WDFY4: variants seen among roughly 807,000 people sequenced by gnomAD.
WDFY4 encodes WDFY family member 4, also known as WD repeat- and FYVE domain-containing protein 4.
A neutral mutation model predicts 351.9 loss-of-function variants in WDFY4; 169 were observed. The observed-to-expected ratio is 0.48, with a 90% CI of 0.42 to 0.55. The LOEUF (loss-of-function observed/expected upper bound fraction) is 0.55, where lower values mean the gene tolerates loss of function less well. Ranked by LOEUF, WDFY4 falls within the 20% of genes least tolerant of loss-of-function variation. The pLI is 0.00. For synonymous variants in WDFY4, 1,622 were observed against 1,574.6 expected (o/e 1.03, Z -0.71); for missense variants, 3,803 against 3,935.6 (o/e 0.97, Z 0.90).
chr10:48,920,458 T>C (rs2133578290), intron 47 of WDFY4, among the ~76,000 whole-genome samples: 1 of 152,166 alleles, frequency 6.6e-6, no homozygotes, highest in South Asian at 2.1e-4. Flanking sequence ...ATGGCACATG[T>C]ATACATATGT....
At chr10:48,822,843 T>C (rs552434206) in intron 35 of WDFY4, among the ~76,000 whole-genome samples, 2 of 152,364 alleles carry the variant, frequency 1.3e-5, no homozygotes, top group Admixed American at 1.3e-4. Context: ...TTGTGATTGT[T>C]GGTTTGACCT....
chr10:48,811,844 C>G (rs2067458359), intron 30 of WDFY4, 136 bp downstream of exon 30: 2 of 877,852 alleles, frequency 2.3e-6, no homozygotes, highest in Non-Finnish European at 3.4e-6. Context: ...CCACTTCCCT[C>G]CCTAGCAGCC....
chr10:48,811,190 A>C (rs922957906), intron 29 of WDFY4, among the ~76,000 whole-genome samples: 63 of 152,126 alleles, frequency 4.1e-4, no homozygotes, highest in African/African-American at 1.4e-3. Context: ...TGAGTATTTA[A>C]TTGCTTAATG....
At chr10:48,841,462 T>TA (rs2068604374) in intron 39 of WDFY4, among the ~76,000 whole-genome samples, 2 of 152,226 alleles carry the variant, frequency 1.3e-5, no homozygotes, top group Non-Finnish European at 2.9e-5. Context: ...GCTTTCCCTT[T>TA]AAAGGTATTT....
chr10:48,764,740 T>C (rs2065615342), intron 13 of WDFY4, among the ~76,000 whole-genome samples: 1 of 152,274 alleles, frequency 6.6e-6, no homozygotes, highest in African/African-American at 2.4e-5. Context: ...TTTGCTTTTG[T>C]GAATAATTAC....
intron 36 of WDFY4, among the ~76,000 whole-genome samples, chr10:48,828,345 C>T (rs2068072519): frequency 1.3e-5 from 2 of 152,216 alleles, no homozygotes; most frequent in African/African-American, 4.8e-5. Context: ...AAAAAGGGTT[C>T]TTCTAAGTGC....
chr10:48,895,290 C>T (rs958391806), intron 44 of WDFY4, among the ~76,000 whole-genome samples: 6 of 152,336 alleles, frequency 3.9e-5, no homozygotes, highest in African/African-American at 1.4e-4. Flanking sequence ...AGAAGTGGGG[C>T]ATGGAGGCTC....
chr10:48,900,222 A>C lies in WDFY4; in HGVS notation c.7439A>C (p.Asp2480Ala). 2 of 1,551,498 alleles carry C rather than the reference A, an allele frequency of 1.3e-6. No individual in the cohort carries two copies. Among genetic ancestry groups the C allele is most frequent in the Middle Eastern group, 1.7e-4 (1 of 5,992 alleles). Reference sequence around the variant, plus strand: ...ATTAAAAGGGGCTTCTCTTCACAGGACATCGCCCTGGAGATCTTCTTCCAC... The same window carrying C: ...ATTAAAAGGGGCTTCTCTTCACAGGCCATCGCCCTGGAGATCTTCTTCCAC... ...ELRQARFLLQ[D>A]IALEIFFHNG... Residue 2480 changes from aspartate (D) to alanine (A), a missense_variant and splice_region_variant, in exon 46 of 62, where the codon GAC (aspartate) becomes GCC (alanine). This residue lies in a region of WDFY4 where 3,054 missense variants were observed against 3,148.6 expected (regional missense o/e 0.97). Transcript: ENST00000325239.
At chr10:48,828,677 G>A (rs2068084052) in intron 36 of WDFY4, 101 bp from the exon 37 acceptor site, 1 of 688,960 alleles carries the variant, frequency 1.5e-6, no homozygotes. Context: ...TATTGATATA[G>A]ATAATTATTG....
intron 46 of WDFY4, among the ~76,000 whole-genome samples, chr10:48,901,432 G>A (rs1308691385): frequency 3.3e-5 from 5 of 152,148 alleles, no homozygotes; most frequent in Non-Finnish European, 5.9e-5. Flanking sequence ...CTACCCACTC[G>A]GCTCAAGGAG....
At chr10:48,822,315 T>C in intron 34 of WDFY4, 65 bp from the exon 35 acceptor site, 1 of 1,454,678 alleles carries the variant, frequency 6.9e-7, no homozygotes, top group Non-Finnish European at 9.1e-7. Context: ...TACAGGGGGC[T>C]TGGAGATTGT....
Position 48,943,407 on chromosome 10 carries a change from G to C in WDFY4, c.7707G>C (p.Gln2569His). The C allele has an allele frequency of 6.4e-7, 1 of 1,551,870 alleles. No individual in the cohort carries two copies. The highest frequency in any genetic ancestry group is 8.7e-7 in the Non-Finnish European group (1 of 1,147,002). Residue 2569 changes from glutamine to histidine, a missense_variant, in exon 49 of 62, where the codon CAG becomes CAC. Around this residue, in one of 3 missense-constraint regions of WDFY4, gnomAD observed 3,054 missense variants for 3,148.6 expected, o/e 0.97. Coordinates refer to ENST00000325239, the MANE Select transcript of WDFY4 (RefSeq NM_001394531.1). ...GGAGAACCTGCAATGACTACATGCA[G>C]TACCCAGTGTTCCCCTGGGTCCTCG... Reference protein sequence around the residue: ...AAGRTCNDYMQYPVFPWVLAD... With the variant: ...AAGRTCNDYMHYPVFPWVLAD...
intron 1 of WDFY4, among the ~76,000 whole-genome samples, chr10:48,699,023 A>C (rs954227043): frequency 6.6e-6 from 1 of 152,214 alleles, no homozygotes; most frequent in Non-Finnish European, 1.5e-5. Flanking sequence ...CGGCCCGTGC[A>C]GCCCCAGAAA....
At chr10:48,819,992 A>G (rs917757951) in intron 32 of WDFY4, among the ~76,000 whole-genome samples, 1 of 152,194 alleles carries the variant, frequency 6.6e-6, no homozygotes, top group Non-Finnish European at 1.5e-5. Flanking sequence ...TGAACACTGC[A>G]GGCCTCTCTG....
At position 48,786,692 on chromosome 10, in the gene WDFY4, A is replaced by G; in HGVS notation, c.3630A>G (p.Ala1210=). 1.3e-6 allele frequency: 2 copies of G among 1,552,174 alleles called. No homozygotes were observed. The highest frequency in any genetic ancestry group is 1.7e-6 in the Non-Finnish European group (2 of 1,147,096). ...CTTTCCTTTCTATGGATCCATCCGC[A>G]TTTGTGGATGTTTATGGATATATTG... ...PGPFLSMDPS[A]FVDVYGYIAT... Residue 1210 remains alanine (A), a synonymous_variant, in exon 20 of 62, where the codon GCA becomes GCG. Transcript: ENST00000325239.
intron 40 of WDFY4, among the ~76,000 whole-genome samples, chr10:48,871,178 G>A (rs1004240019): frequency 3.9e-5 from 6 of 151,978 alleles, no homozygotes; most frequent in East Asian, 3.9e-4. Flanking sequence ...CTCGTGATCC[G>A]CCTGCCTCAG....
intron 47 of WDFY4, 110 bp from the exon 48 acceptor site, chr10:48,941,696 A>T: frequency 1.8e-6 from 2 of 1,122,498 alleles, no homozygotes; most frequent in Non-Finnish European, 2.6e-6. Flanking sequence ...GGAAGTCTGC[A>T]GCTTTCCTGA....
chr10:48,931,461 G>T (rs187432016), intron 47 of WDFY4, among the ~76,000 whole-genome samples: 2 of 152,290 alleles, frequency 1.3e-5, no homozygotes, highest in East Asian at 3.9e-4. Flanking sequence ...GCCACAGAGG[G>T]CCGTGCTATA....
At chr10:48,777,324 G>A in intron 16 of WDFY4, 95 bp from the exon 17 acceptor site, 1 of 1,172,512 alleles carries the variant, frequency 8.5e-7, no homozygotes, top group South Asian at 1.3e-5. Flanking sequence ...GCCGGCAGGA[G>A]GGTAGAGTGG....
Sources: allele counts gnomAD v4.1 joint callset (sites outside exome capture counted in the v4.1 genomes callset), GRCh38; gene constraint gnomAD v4.1.1; regional missense constraint gnomAD v4.1.1; transcripts MANE v1.5; gene names NCBI Gene and HGNC (gene_info 2026-07-23, HGNC 2026-07-21).